Variants in BICD1 observed in about 807,000 individuals in gnomAD.
The protein encoded by BICD1 is protein bicaudal D homolog 1.
In BICD1, 35 loss-of-function variants were observed where a neutral mutation model predicts 92.5. That is an observed-to-expected ratio of 0.38 (90% CI 0.29 to 0.50). The LOEUF (loss-of-function observed/expected upper bound fraction) is 0.50, where lower values mean the gene tolerates loss of function less well. Among genes scored for constraint, BICD1 ranks in the 20% least tolerant of loss-of-function variants. The pLI is 0.93. For missense variants in BICD1, 950 were observed against 1,189.8 expected, an observed-to-expected ratio of 0.80 and a Z score of 2.97; for synonymous variants, 429 against 465.1, an observed-to-expected ratio of 0.92 and a Z score of 1.00.
At chr12:32,225,469 C>G (rs1945650145) in intron 2 of BICD1, among the ~76,000 whole-genome samples, 1 of 152,038 alleles carries the variant, frequency 6.6e-6, no homozygotes, top group Non-Finnish European at 1.5e-5. Flanking sequence ...AGAGTAAATA[C>G]TTAAGAGAGT....
At chr12:32,180,247 C>T (rs1412595681) in intron 1 of BICD1, among the ~76,000 whole-genome samples, 2 of 151,876 alleles carry the variant, frequency 1.3e-5, no homozygotes. Context: ...GATTTCCTGC[C>T]TGGACCTTGA....
chr12:32,175,829 G>C (rs1944074737), intron 1 of BICD1, among the ~76,000 whole-genome samples: 1 of 152,156 alleles, frequency 6.6e-6, no homozygotes, highest in Non-Finnish European at 1.5e-5. Context: ...TTCAGGTTTA[G>C]AACGTTTTCA....
rs180677848 is a variant in BICD1 at position 32,147,478 on chromosome 12, G to A, written c.213+39934G>A. ...ATATTTCCTTCTTCTTGTTAGTTAC[G>A]ATTTACTAAGAAGAATTTTTATGCT... On this transcript the variant is annotated intron_variant, in intron 1 of 9. Coordinates refer to ENST00000652176, the MANE Select transcript of BICD1 (RefSeq NM_001714.4). Among the ~76,000 whole-genome samples, 541 of 146,340 alleles carry A rather than the reference G, an allele frequency of 3.7e-3. 1 individual carries two copies. The highest frequency in any genetic ancestry group is 0.013 in the African/African-American group (505 of 39,328).
In BICD1 at chr12:32,282,202, C is replaced by CTTTTT. The variant is rs56217529; in HGVS notation, c.427-11760_427-11756dup. On this transcript the variant is annotated intron_variant, in intron 2 of 9. Coordinates refer to ENST00000652176, the MANE Select transcript of BICD1 (RefSeq NM_001714.4). Reference sequence around the variant, plus strand: ...GCAAGACCCAGCTTCAGGTCTTCTTCTTTTTTTTTTTTTTTTTTTTTTTTT... The same window carrying CTTTTT: ...GCAAGACCCAGCTTCAGGTCTTCTTCTTTTTTTTTTTTTTTTTTTTTTTTTTTTTT... Among the ~76,000 whole-genome samples the CTTTTT allele has an allele frequency of 7.6e-4, 72 of 94,248 alleles. 9 individuals carry two copies. Among genetic ancestry groups the CTTTTT allele is most frequent in the Admixed American group, 1.9e-3 (15 of 7,740 alleles). 61.8% of individuals were successfully genotyped at this position (94,248 alleles called of 152,430 possible). A position where few individuals can be genotyped will look rare whatever the true frequency, so the allele number is the denominator to read the frequency against.
intron 1 of BICD1, among the ~76,000 whole-genome samples, chr12:32,207,643 G>A (rs953624187): frequency 2.6e-5 from 4 of 152,100 alleles, no homozygotes; most frequent in East Asian, 1.9e-4. Flanking sequence ...TCAAATGGAC[G>A]GACTTTATAA....
chr12:32,298,613 G>A (rs1453501419), intron 3 of BICD1, among the ~76,000 whole-genome samples: 5 of 148,424 alleles, frequency 3.4e-5, no homozygotes, highest in Non-Finnish European at 5.9e-5. Flanking sequence ...GCTCATGCCT[G>A]TAATCCCAGC....
chr12:32,111,889 C>T (rs553127805), intron 1 of BICD1, among the ~76,000 whole-genome samples: 1 of 151,326 alleles, frequency 6.6e-6, no homozygotes, highest in African/African-American at 2.4e-5. Flanking sequence ...ATCTAAAATA[C>T]ATTAAGATAT....
intron 2 of BICD1, among the ~76,000 whole-genome samples, chr12:32,266,963 C>A (rs772118950): frequency 1.3e-5 from 2 of 152,166 alleles, no homozygotes; most frequent in Non-Finnish European, 2.9e-5. Context: ...GCCCTGCCCC[C>A]AGAACCCTGG....
At position 32,328,813 on chromosome 12, in the gene BICD1, C is replaced by G. The variant is rs1398661311; in HGVS notation, c.2100+258C>G. Among the ~76,000 whole-genome samples, 1 of 152,142 alleles carries G rather than the reference C, an allele frequency of 6.6e-6. No homozygotes were observed. The highest frequency in any genetic ancestry group is 2.4e-5 in the African/African-American group (1 of 41,440). ...CACAGGAGAAGATCTAGATGCCTTT[C>G]TGCAGATGTAGAAAGGCAGCTCAGG... On this transcript the variant is annotated intron_variant, in intron 5 of 9. Coordinates refer to ENST00000652176, the MANE Select transcript of BICD1 (RefSeq NM_001714.4). The surrounding 1 kb of genome is among the most constrained non-coding windows in gnomAD (Gnocchi z 4.4).
chr12:32,257,178 A>C (rs940166089), intron 2 of BICD1, among the ~76,000 whole-genome samples: 1 of 134,286 alleles, frequency 7.4e-6, no homozygotes, highest in Non-Finnish European at 1.5e-5. Context: ...GCACCACTGC[A>C]CTCCAGCCTG....
intron 2 of BICD1, among the ~76,000 whole-genome samples, chr12:32,270,113 T>C (rs1346076132): frequency 1.8e-5 from 2 of 113,590 alleles, no homozygotes; most frequent in African/African-American, 7.1e-5. Context: ...AAAGCCAGAC[T>C]CCCTCTAAAA....
intron 2 of BICD1, among the ~76,000 whole-genome samples, chr12:32,261,963 A>G (rs1056908231): frequency 2.0e-5 from 3 of 152,118 alleles, no homozygotes; most frequent in Non-Finnish European, 4.4e-5. Context: ...GGGTGAGGTG[A>G]GTGCATACTT....
chr12:32,320,018 C>G (rs1948606982), intron 4 of BICD1, among the ~76,000 whole-genome samples: 1 of 152,152 alleles, frequency 6.6e-6, no homozygotes, highest in African/African-American at 2.4e-5. Flanking sequence ...GATGAATTCC[C>G]TCATATAGAG....
chr12:32,277,376 AGAGC>A (rs1241550054), intron 2 of BICD1, among the ~76,000 whole-genome samples: 1 of 152,242 alleles, frequency 6.6e-6, no homozygotes, highest in African/African-American at 2.4e-5. Flanking sequence ...CCTGGGCAAC[AGAGC>A]AAGACTCTGT....
At chr12:32,306,230 T>C (rs1212603714) in intron 4 of BICD1, 108 bp downstream of exon 4, 2 of 1,099,118 alleles carry the variant, frequency 1.8e-6, no homozygotes, top group African/African-American at 3.2e-5. Flanking sequence ...TTTTCTTTTT[T>C]CTTTTCTTCT....
chr12:32,375,416 G>A (rs1939915315), intron 9 of BICD1, among the ~76,000 whole-genome samples: 2 of 152,042 alleles, frequency 1.3e-5, no homozygotes, highest in Non-Finnish European at 2.9e-5. Flanking sequence ...TGTAATCCCA[G>A]CTACTCGGGA....
intron 1 of BICD1, among the ~76,000 whole-genome samples, chr12:32,212,784 T>C (rs1354773467): frequency 6.6e-6 from 1 of 152,248 alleles, no homozygotes; most frequent in African/African-American, 2.4e-5. Context: ...AAAGCCACCG[T>C]ACTTCTCATT....
chr12:32,351,261 G>A (rs1035560659), intron 8 of BICD1, among the ~76,000 whole-genome samples: 7 of 151,706 alleles, frequency 4.6e-5, no homozygotes, highest in East Asian at 1.9e-4. Flanking sequence ...CGAGGTGGGC[G>A]GATCGCTTGA....
chr12:32,215,774 C>T (rs1158852184), intron 1 of BICD1, among the ~76,000 whole-genome samples: 1 of 140,178 alleles, frequency 7.1e-6, no homozygotes, highest in African/African-American at 2.7e-5. Context: ...AAGGTGAAAC[C>T]CCGTCTCTAC....
Sources: gnomAD v4.1 joint callset for allele counts (sites outside exome capture counted in the v4.1 genomes callset) on GRCh38, gnomAD v4.1.1 for gene constraint, Gnocchi (gnomAD v3.1) non-coding constraint, MANE v1.5 for transcripts, NCBI Gene and HGNC (gene_info 2026-07-23, HGNC 2026-07-21) for gene names.